Variants in LAMA2 observed in about 807,000 individuals in gnomAD.
LAMA2 encodes laminin subunit alpha-2.
LAMA2 carries 269 observed loss-of-function variants against 364.8 expected under a neutral mutation model. That is an observed-to-expected ratio of 0.74 (90% confidence interval 0.67 to 0.82). The LOEUF is 0.82. LAMA2 is among the 40% of genes least tolerant of loss of function. The pLI is 0.00. For synonymous variants in LAMA2, 1,379 were observed against 1,370.6 expected (o/e 1.01, Z -0.14); for missense variants, 3,807 against 3,873.2 (o/e 0.98, Z 0.45).
intron 1 of LAMA2, among the ~76,000 whole-genome samples, chr6:128,933,234 G>C (rs547867444): frequency 0.036 from 4,850 of 134,546 alleles, 133 homozygotes; most frequent in African/African-American, 0.11. Context: ...CTCTTTCTGT[G>C]TGTGTGTGTG....
At chr6:128,986,044 T>A (rs1194731747) in intron 1 of LAMA2, among the ~76,000 whole-genome samples, 1 of 152,198 alleles carries the variant, frequency 6.6e-6, no homozygotes, top group Admixed American at 6.6e-5. Context: ...ATGAGTTGGT[T>A]TACTAGTATC....
intron 1 of LAMA2, among the ~76,000 whole-genome samples, chr6:129,045,101 T>A (rs1262602911): frequency 6.6e-6 from 1 of 152,190 alleles, no homozygotes; most frequent in Non-Finnish European, 1.5e-5. Context: ...TGCTGACCAA[T>A]ATGCTTAACC....
At chr6:129,138,840 G>C (rs1050099852) in intron 4 of LAMA2, among the ~76,000 whole-genome samples, 1 of 152,104 alleles carries the variant, frequency 6.6e-6, no homozygotes, top group African/African-American at 2.4e-5. Flanking sequence ...TGTGAGGACA[G>C]AGCAGAGGAA....
intron 3 of LAMA2, among the ~76,000 whole-genome samples, chr6:129,094,044 A>G (rs1228349104): frequency 2.6e-5 from 4 of 152,234 alleles, no homozygotes; most frequent in African/African-American, 9.6e-5. Flanking sequence ...AAAACAAGAC[A>G]CAGTTAATAA....
chr6:128,986,907 C>A (rs1177399381), intron 1 of LAMA2, among the ~76,000 whole-genome samples: 1 of 152,026 alleles, frequency 6.6e-6, no homozygotes, highest in East Asian at 1.9e-4. Context: ...AGACTAGACT[C>A]TCTAGATCCA....
At chr6:129,321,009 T>C (rs1174300962) in intron 28 of LAMA2, among the ~76,000 whole-genome samples, 1 of 152,186 alleles carries the variant, frequency 6.6e-6, no homozygotes, top group Non-Finnish European at 1.5e-5. Flanking sequence ...TACTGGGTTT[T>C]GAAAATATTT....
intron 41 of LAMA2, 62 bp from the exon 42 acceptor site, chr6:129,438,584 C>G: frequency 1.2e-6 from 1 of 814,918 alleles, no homozygotes. Context: ...AATTGCACAT[C>G]CAAGTATAAG....
chr6:128,988,054 C>T (rs192715630), intron 1 of LAMA2, among the ~76,000 whole-genome samples: 45 of 152,096 alleles, frequency 3.0e-4, no homozygotes, highest in South Asian at 4.2e-4. Context: ...TTAGTAGAGA[C>T]GGGGTTTCAC....
intron 4 of LAMA2, among the ~76,000 whole-genome samples, chr6:129,109,576 C>A (rs1235263304): frequency 6.7e-6 from 1 of 148,528 alleles, no homozygotes; most frequent in Non-Finnish European, 1.5e-5. Context: ...TAGTTAACCA[C>A]TTTGTGCACA....
intron 37 of LAMA2, 150 bp from the exon 38 acceptor site, chr6:129,401,074 G>A (rs1438277915): frequency 5.5e-6 from 4 of 725,250 alleles, no homozygotes; most frequent in African/African-American, 5.2e-5. Flanking sequence ...GACTGGCTAA[G>A]TAGTTTATAT....
At chr6:129,452,243 A>G (rs1384920789) in intron 45 of LAMA2, among the ~76,000 whole-genome samples, 1 of 152,238 alleles carries the variant, frequency 6.6e-6, no homozygotes, top group Non-Finnish European at 1.5e-5. Flanking sequence ...CTCTCTAAAT[A>G]TAAGTAAAAA....
At chr6:129,149,198 C>A in intron 7 of LAMA2, 102 bp downstream of exon 7, 1 of 781,658 alleles carries the variant, frequency 1.3e-6, no homozygotes, top group Non-Finnish European at 2.3e-6. Flanking sequence ...AATGTGTCAA[C>A]AAATACTCAT....
At chr6:129,325,107 T>C (rs1775194773) in intron 28 of LAMA2, among the ~76,000 whole-genome samples, 1 of 152,234 alleles carries the variant, frequency 6.6e-6, no homozygotes, top group Non-Finnish European at 1.5e-5. Context: ...GATAGGTCTC[T>C]ACAGTCTGCT....
At chr6:129,295,807 G>A (rs79764732) in intron 20 of LAMA2, among the ~76,000 whole-genome samples, 10 of 151,406 alleles carry the variant, frequency 6.6e-5, no homozygotes, top group African/African-American at 1.2e-4. Flanking sequence ...ATATGAGTGT[G>A]TATATATATG....
intron 10 of LAMA2, among the ~76,000 whole-genome samples, chr6:129,184,318 T>A (rs2115025387): frequency 6.6e-6 from 1 of 152,082 alleles, no homozygotes; most frequent in East Asian, 1.9e-4. Flanking sequence ...GATGTAGAAT[T>A]TTTGGCATAA....
rs148905630 is a variant in LAMA2 at position 129,342,380 on chromosome 6, G to C, written c.4349G>C (p.Arg1450Pro). 1 of 1,613,234 alleles carries C rather than the reference G, an allele frequency of 6.2e-7. No individual in the cohort carries two copies. The highest frequency in any genetic ancestry group is 8.5e-7 in the Non-Finnish European group (1 of 1,179,370). The change falls in exon 30 of 65, where the codon CGA (arginine) becomes CCA (proline). Residue 1450 changes from arginine (R) to proline (P), a missense_variant. This residue lies in a region of LAMA2 where 3,333 missense variants were observed against 3,345.7 expected (regional missense o/e 1.00). Transcript: ENST00000421865. The stretch of plus-strand genomic sequence containing the variant: ...CACACTGCTGGTGACTTCTGTGAAC[G>C]ATGTGCTCTTGGATACTATGGAATT... Reference protein sequence around the residue: ...QHHTAGDFCERCALGYYGIVK... With the variant: ...QHHTAGDFCEPCALGYYGIVK...
At chr6:129,403,437 G>A (rs1481769725) in intron 39 of LAMA2, among the ~76,000 whole-genome samples, 1 of 152,144 alleles carries the variant, frequency 6.6e-6, no homozygotes, top group Non-Finnish European at 1.5e-5. Context: ...TCTGGGAAGT[G>A]CACCTACCCC....
In LAMA2 at chr6:129,312,857, A is replaced by G. The variant is rs368985017; in HGVS notation, c.3175-4A>G. 28 of 1,606,992 alleles carry G rather than the reference A, an allele frequency of 1.7e-5. No homozygotes were observed. The highest frequency in any genetic ancestry group is 1.6e-4 in the Middle Eastern group (1 of 6,072). ...AATGGTTGCTGTTTTTATCTCCTCT[A>G]TAGGCTTGTAACTGCAGCACAGTGG... On this transcript the variant is annotated splice_polypyrimidine_tract_variant and splice_region_variant and intron_variant, in intron 22 of 64. Coordinates refer to ENST00000421865, the MANE Select transcript of LAMA2 (RefSeq NM_000426.4).
At chr6:128,971,851 C>G (rs1393562090) in intron 1 of LAMA2, among the ~76,000 whole-genome samples, 3 of 152,064 alleles carry the variant, frequency 2.0e-5, no homozygotes, top group African/African-American at 4.8e-5. Context: ...GTCCAAGGGG[C>G]AGGGGGAAGT....
Sources: gnomAD v4.1 joint callset for allele counts (sites outside exome capture counted in the v4.1 genomes callset) on GRCh38, gnomAD v4.1.1 for gene constraint, gnomAD v4.1.1 regional missense constraint, MANE v1.5 for transcripts, NCBI Gene and HGNC (gene_info 2026-07-23, HGNC 2026-07-21) for gene names.